Variants in PXDC1 observed in about 807,000 individuals in gnomAD.
The protein encoded by PXDC1 is PX domain containing 1.
PXDC1 carries 13 observed loss-of-function variants against 24.4 expected under a neutral mutation model. That is an observed-to-expected ratio of 0.53 (90% CI 0.35 to 0.85). PXDC1 has a LOEUF of 0.85. PXDC1 is among the 40% of genes least tolerant of loss of function. The probability of loss-of-function intolerance (pLI) is 0.01; values close to 1 mark genes in which losing one functional copy is unlikely to be tolerated. For missense variants in PXDC1, 344 were observed against 309.3 expected (o/e 1.11, Z -0.84); for synonymous variants, 162 against 124.9 (o/e 1.30, Z -1.98).
chr6:3,751,052 G>A (rs1414897088), intron 1 of PXDC1: 4 of 476,132 alleles, frequency 8.4e-6, no homozygotes, highest in Non-Finnish European at 1.1e-5. Flanking sequence ...GCCCCATTTG[G>A]CTCCTCCGCC....
At chr6:3,745,639 T>A (rs1055249646) in intron 1 of PXDC1, among the ~76,000 whole-genome samples, 1 of 151,956 alleles carries the variant, frequency 6.6e-6, no homozygotes, top group South Asian at 2.1e-4. Context: ...GCCTGACCCC[T>A]CTCACTGTAA....
In PXDC1 at chr6:3,737,324, A is replaced by G; in HGVS notation, c.349-128T>C. The G allele has an allele frequency of 1.4e-6, 1 of 699,462 alleles. No individual in the cohort carries two copies. The highest frequency in any genetic ancestry group is 2.3e-5 in the Admixed American group (1 of 42,902). The allele number at this position is 699,462 out of a possible 1,614,324, so 43.3% of individuals were successfully genotyped here. A position where few individuals can be genotyped will look rare whatever the true frequency, so the allele number is the denominator to read the frequency against. On this transcript the variant is annotated intron_variant, in intron 2 of 4. Coordinates refer to ENST00000380283, the MANE Select transcript of PXDC1 (RefSeq NM_183373.4). This position sits in a 1 kb window ranked among gnomAD's most constrained non-coding sequence, Gnocchi z 5.5. ...TGATGCAAACGCCCCATGAATGTCCAGATGCTCCCATGGCTGGCCGCAGGG... is the reference window on the plus strand; with the variant it reads ...TGATGCAAACGCCCCATGAATGTCCGGATGCTCCCATGGCTGGCCGCAGGG...
Position 3,737,072 on chromosome 6 carries a change from C to T in PXDC1, c.466+7G>A. On this transcript the variant is annotated splice_region_variant and intron_variant, in intron 3 of 4. Transcript: ENST00000380283. This position sits in a 1 kb window ranked among gnomAD's most constrained non-coding sequence, Gnocchi z 5.5. ...CCTCCCACCAACGCCTCCTTTGTGG[C>T]TCTTACCTGATATTTTGACTGGACT... is the stretch of plus-strand genomic sequence containing the variant. 1 of 1,561,976 alleles carries T rather than the reference C, an allele frequency of 6.4e-7. No homozygotes were observed. Among genetic ancestry groups the T allele is most frequent in the Non-Finnish European group, 8.8e-7 (1 of 1,132,378 alleles).
Position 3,724,152 on chromosome 6 carries a change from G to A in PXDC1, c.579-416C>T, listed in dbSNP as rs187288456. Among the ~76,000 whole-genome samples the A allele has an allele frequency of 7.9e-5, 12 of 152,266 alleles. No individual in the cohort carries two copies. Among genetic ancestry groups the A allele is most frequent in the East Asian group, 7.7e-4 (4 of 5,168 alleles). ...GTGGTCACGAGCTCACAGCCTGACCGCAGCAGAGATGACACACGGACGCAC... is the reference window on the plus strand; with the variant it reads ...GTGGTCACGAGCTCACAGCCTGACCACAGCAGAGATGACACACGGACGCAC... On this transcript the variant is annotated intron_variant, in intron 4 of 4. Transcript: ENST00000380283. The surrounding 1 kb of genome is among the most constrained non-coding windows in gnomAD (Gnocchi z 4.5).
At chr6:3,732,183 C>G (rs913171921) in intron 3 of PXDC1, among the ~76,000 whole-genome samples, 1 of 152,208 alleles carries the variant, frequency 6.6e-6, no homozygotes, top group Non-Finnish European at 1.5e-5. Context: ...GCCCCACAAA[C>G]GTCACAACCC....
At chr6:3,739,233 A>G in intron 1 of PXDC1, 2 of 802,200 alleles carry the variant, frequency 2.5e-6, no homozygotes, top group Non-Finnish European at 3.1e-6. Flanking sequence ...CATACAGTCC[A>G]TGAAAACTCC....
At chr6:3,736,496 ATCC>A (rs1760319755) in intron 3 of PXDC1, among the ~76,000 whole-genome samples, 2 of 152,166 alleles carry the variant, frequency 1.3e-5, no homozygotes, top group Admixed American at 6.5e-5. Context: ...TCCCTACAAA[ATCC>A]TCCTCATCAG....
intron 1 of PXDC1, among the ~76,000 whole-genome samples, chr6:3,744,571 C>T (rs1452214041): frequency 1.3e-5 from 2 of 152,186 alleles, no homozygotes; most frequent in South Asian, 2.1e-4. Context: ...AGAGCTGAGA[C>T]CAGAAAAGGA....
chr6:3,739,796 G>A (rs893461699), intron 1 of PXDC1, among the ~76,000 whole-genome samples: 75 of 152,248 alleles, frequency 4.9e-4, no homozygotes, highest in African/African-American at 1.5e-3. Context: ...TTTATATACC[G>A]CAATTTACAT....
intron 1 of PXDC1, chr6:3,738,859 G>C (rs61736282): frequency 8.8e-5 from 115 of 1,303,190 alleles, no homozygotes; most frequent in Non-Finnish European, 1.1e-4. Context: ...CAGAGCAGAA[G>C]TCTTCCCATC....
chr6:3,750,317 A>C (rs901011409), intron 1 of PXDC1, among the ~76,000 whole-genome samples: 1 of 152,188 alleles, frequency 6.6e-6, no homozygotes, highest in South Asian at 2.1e-4. Context: ...GCAGAAAAGA[A>C]GGCTGCTGGG....
intron 1 of PXDC1, among the ~76,000 whole-genome samples, chr6:3,749,875 G>C (rs1488618989): frequency 6.6e-6 from 1 of 152,176 alleles, no homozygotes; most frequent in African/African-American, 2.4e-5. Flanking sequence ...CTCGTTCCAG[G>C]AAAGGTCATT....
In PXDC1 at chr6:3,724,151, C is replaced by T. The variant is rs140579949; in HGVS notation, c.579-415G>A. ...AGTGGTCACGAGCTCACAGCCTGAC[C>T]GCAGCAGAGATGACACACGGACGCA... On this transcript the variant is annotated intron_variant, in intron 4 of 4. Transcript: ENST00000380283. The surrounding 1 kb of genome is among the most constrained non-coding windows in gnomAD (Gnocchi z 4.5). Among the ~76,000 whole-genome samples the T allele has an allele frequency of 2.1e-3, 320 of 152,144 alleles. 2 individuals are homozygous for T. Among genetic ancestry groups the T allele is most frequent in the African/African-American group, 7.3e-3 (302 of 41,500 alleles).
rs948737351 is a variant in PXDC1, at chr6:3,742,810, G to A, written c.257-4662C>T. Reference sequence around the variant, plus strand: ...GGTAACACAATTGTACATAAATTCCGGTGGGCCAACTGGACACACATTTGG... The same window carrying A: ...GGTAACACAATTGTACATAAATTCCAGTGGGCCAACTGGACACACATTTGG... On this transcript the variant is annotated intron_variant, in intron 1 of 4. Coordinates refer to ENST00000380283, the MANE Select transcript of PXDC1 (RefSeq NM_183373.4). Among the ~76,000 whole-genome samples, 8 of 152,218 alleles carry A rather than the reference G, an allele frequency of 5.3e-5. No homozygotes were observed. In the South Asian group the frequency reaches 6.2e-4, roughly 12 times the overall value.
At chr6:3,745,086 G>A (rs1040628723) in intron 1 of PXDC1, among the ~76,000 whole-genome samples, 2 of 152,234 alleles carry the variant, frequency 1.3e-5, no homozygotes, top group African/African-American at 2.4e-5. Context: ...CTAGTTTCTG[G>A]ACGAGCAAGG....
intron 1 of PXDC1, among the ~76,000 whole-genome samples, chr6:3,742,152 C>A (rs1447554358): frequency 6.6e-6 from 1 of 152,216 alleles, no homozygotes; most frequent in Non-Finnish European, 1.5e-5. Flanking sequence ...CAGACAAGAA[C>A]TATGAGTTTA....
rs562855036 is a variant in PXDC1, at chr6:3,746,643, G to A, written c.256+4633C>T. Among the ~76,000 whole-genome samples, 8 of 152,318 alleles carry A rather than the reference G, an allele frequency of 5.3e-5. 1 individual carries two copies. The East Asian group carries it at 1.5e-3, about 29-fold the overall frequency. ...CACTTGCAAGGGCCCACTGGATGGG[G>A]CAGAGATGGTGCCTCTGTGCCCCTG... On this transcript the variant is annotated intron_variant, in intron 1 of 4. Coordinates refer to ENST00000380283, the MANE Select transcript of PXDC1 (RefSeq NM_183373.4).
intron 1 of PXDC1, among the ~76,000 whole-genome samples, chr6:3,747,482 A>C (rs1760597466): frequency 6.6e-6 from 1 of 152,050 alleles, no homozygotes; most frequent in Admixed American, 6.6e-5. Context: ...CCTGACCAAC[A>C]GTCTCCACAC....
chr6:3,737,396 C>T lies in PXDC1; in HGVS notation c.349-200G>A, dbSNP rs1325051921. On this transcript the variant is annotated intron_variant, in intron 2 of 4. Coordinates refer to ENST00000380283, the MANE Select transcript of PXDC1 (RefSeq NM_183373.4). This position sits in a 1 kb window ranked among gnomAD's most constrained non-coding sequence, Gnocchi z 5.5. ...AGCCCTCACATGCTCATGGCCCAGG[C>T]GGCTGAAAGGCAAGGCCTCAGCGAC... is the stretch of plus-strand genomic sequence containing the variant. 6.6e-6 allele frequency among the ~76,000 whole-genome samples: 1 copy of T among 152,218 alleles called. No homozygotes were observed. Among genetic ancestry groups the T allele is most frequent in the East Asian group, 1.9e-4 (1 of 5,202 alleles).
Sources: gnomAD v4.1 joint callset for allele counts (sites outside exome capture counted in the v4.1 genomes callset) on GRCh38, gnomAD v4.1.1 for gene constraint, Gnocchi (gnomAD v3.1) non-coding constraint, MANE v1.5 for transcripts, NCBI Gene and HGNC (gene_info 2026-07-23, HGNC 2026-07-21) for gene names.